The following WWOX variants were observed in gnomAD, a reference collection of about 807,000 sequenced individuals.
WWOX encodes the protein WW domain-containing oxidoreductase.
WWOX carries 69 observed loss-of-function variants against 46.2 expected under a neutral mutation model. The observed-to-expected ratio is 1.49, with a 90% confidence interval of 1.23 to 1.82. WWOX has a LOEUF of 1.82. Ranked by LOEUF, WWOX falls within the 40% of genes most tolerant of loss-of-function variation. WWOX has a pLI of 0.00. For missense variants in WWOX, 919 were observed against 542.6 expected, an observed-to-expected ratio of 1.69 and a Z score of -6.89; for synonymous variants, 359 against 202.6, an observed-to-expected ratio of 1.77 and a Z score of -6.56.
intron 8 of WWOX, among the ~76,000 whole-genome samples, chr16:78,635,631 G>A (rs1028300267): frequency 6.6e-6 from 1 of 152,188 alleles, no homozygotes; most frequent in Admixed American, 6.5e-5. Flanking sequence ...TTGAGAGGAT[G>A]AAGTGCTAAA....
chr16:79,013,384 C>G (rs1315452438), intron 8 of WWOX, among the ~76,000 whole-genome samples: 2 of 152,230 alleles, frequency 1.3e-5, no homozygotes, highest in African/African-American at 4.8e-5. Flanking sequence ...CGATCCCTAT[C>G]TTGTCTCTGC....
intron 8 of WWOX, among the ~76,000 whole-genome samples, chr16:78,771,210 A>G (rs928725796): frequency 1.3e-5 from 2 of 152,148 alleles, no homozygotes; most frequent in Non-Finnish European, 2.9e-5. Context: ...GAACTGACTT[A>G]CTCTTTGAAA....
At chr16:78,360,252 G>C (rs1332592619) in intron 5 of WWOX, among the ~76,000 whole-genome samples, 3 of 152,160 alleles carry the variant, frequency 2.0e-5, no homozygotes, top group Admixed American at 6.5e-5. Context: ...CTGGTGTTCT[G>C]TCAATTTTTA....
chr16:78,303,822 G>A (rs1400007814), intron 5 of WWOX, among the ~76,000 whole-genome samples: 1 of 152,156 alleles, frequency 6.6e-6, no homozygotes, highest in African/African-American at 2.4e-5. Flanking sequence ...TGGGATTACA[G>A]GTGTGAGCCA....
intron 8 of WWOX, among the ~76,000 whole-genome samples, chr16:79,081,980 G>T (rs2048768667): frequency 6.6e-6 from 1 of 152,142 alleles, no homozygotes; most frequent in South Asian, 2.1e-4. Context: ...AGATTCATAC[G>T]CCAGAACCAG....
intron 8 of WWOX, among the ~76,000 whole-genome samples, chr16:78,557,596 C>G (rs1252523252): frequency 1.3e-5 from 2 of 151,954 alleles, no homozygotes; most frequent in Admixed American, 6.5e-5. Flanking sequence ...GAGGATGACC[C>G]TCTATCACAG....
At chr16:78,117,206 C>T (rs1014198141) in intron 4 of WWOX, among the ~76,000 whole-genome samples, 1 of 152,170 alleles carries the variant, frequency 6.6e-6, no homozygotes, top group African/African-American at 2.4e-5. Context: ...ATTTTGTGGA[C>T]ACTGCAGGAG....
chr16:79,183,827 C>T (rs2050960223), intron 8 of WWOX, among the ~76,000 whole-genome samples: 1 of 152,164 alleles, frequency 6.6e-6, no homozygotes, highest in South Asian at 2.1e-4. Context: ...CTGTGCCTCC[C>T]AAATTTGTAT....
chr16:78,910,568 C>G (rs982516274), intron 8 of WWOX, among the ~76,000 whole-genome samples: 1 of 151,236 alleles, frequency 6.6e-6, no homozygotes, highest in African/African-American at 2.4e-5. Context: ...CTGAGAAAGA[C>G]ATACCCAAGA....
chr16:78,099,953 C>T (rs932563169), intron 1 of WWOX, 68 bp downstream of exon 1: 26 of 1,529,428 alleles, frequency 1.7e-5, no homozygotes, highest in Middle Eastern at 4.3e-4. Flanking sequence ...GCCACCTGCG[C>T]GGGGAGGACG....
intron 8 of WWOX, among the ~76,000 whole-genome samples, chr16:78,457,265 T>G (rs1383275266): frequency 6.6e-6 from 1 of 152,190 alleles, no homozygotes; most frequent in East Asian, 1.9e-4. Context: ...GCAAAAGCTC[T>G]CCTGCAAATA....
intron 8 of WWOX, among the ~76,000 whole-genome samples, chr16:78,805,811 C>G (rs993021782): frequency 6.6e-6 from 1 of 152,146 alleles, no homozygotes; most frequent in Non-Finnish European, 1.5e-5. Context: ...TTTTCAGTTC[C>G]TCTCCAAACT....
intron 5 of WWOX, among the ~76,000 whole-genome samples, chr16:78,351,619 C>T (rs2038471752): frequency 6.6e-6 from 1 of 152,136 alleles, no homozygotes. Flanking sequence ...CTATATTGCA[C>T]ATAGCTCCTG....
chr16:78,631,934 A>G (rs2046441977), intron 8 of WWOX, among the ~76,000 whole-genome samples: 2 of 151,856 alleles, frequency 1.3e-5, no homozygotes, highest in Non-Finnish European at 2.9e-5. Context: ...CTTCTATGAA[A>G]TGACAGTGAT....
Position 79,075,638 on chromosome 16 carries a change from C to T in WWOX, c.1057-135970C>T, listed in dbSNP as rs749715837. On this transcript the variant is annotated intron_variant, in intron 8 of 8. Coordinates refer to ENST00000566780, the MANE Select transcript of WWOX (RefSeq NM_016373.4). ...CATGATCTTGGCTCACTGCACCCTC[C>T]GCCTTCTGGGATCAAGTGATTCTCC... is the stretch of plus-strand genomic sequence containing the variant. 7.2e-5 allele frequency among the ~76,000 whole-genome samples: 11 copies of T among 151,964 alleles called. 1 individual carries two copies. The highest frequency in any genetic ancestry group is 1.3e-4 in the Non-Finnish European group (9 of 68,010).
chr16:78,913,195 T>G (rs55653553), intron 8 of WWOX, among the ~76,000 whole-genome samples: 1 of 151,938 alleles, frequency 6.6e-6, no homozygotes, highest in South Asian at 2.1e-4. Context: ...CGAGACCTCA[T>G]CCTTGCAGGG....
intron 8 of WWOX, chr16:78,756,833 C>T (rs2049661255): frequency 3.0e-6 from 2 of 676,944 alleles, no homozygotes; most frequent in Non-Finnish European, 5.4e-6. Context: ...ATACTACTGA[C>T]CTGTATAATC....
chr16:78,877,545 C>T (rs1027665415), intron 8 of WWOX, among the ~76,000 whole-genome samples: 1 of 152,238 alleles, frequency 6.6e-6, no homozygotes, highest in African/African-American at 2.4e-5. Context: ...GCCTTGCACC[C>T]TCTCTTCCTT....
chr16:78,807,596 C>T (rs535320865), intron 8 of WWOX, among the ~76,000 whole-genome samples: 34 of 152,152 alleles, frequency 2.2e-4, no homozygotes, highest in African/African-American at 8.2e-4. Flanking sequence ...TGGGATGAAG[C>T]CAGTCAATTT....
Sources: allele counts gnomAD v4.1 joint callset (sites outside exome capture counted in the v4.1 genomes callset), GRCh38; gene constraint gnomAD v4.1.1; transcripts MANE v1.5; gene names NCBI Gene and HGNC (gene_info 2026-07-23, HGNC 2026-07-21).